The following HERC2 variants were observed in gnomAD, a reference collection of about 807,000 sequenced individuals.
The protein encoded by HERC2 is HECT and RLD domain containing E3 ubiquitin protein ligase 2, also known as E3 ubiquitin-protein ligase HERC2.
Under a neutral mutation model 537.7 loss-of-function variants are expected in HERC2, and 102 were observed. The observed-to-expected ratio is 0.19, with a 90% CI of 0.16 to 0.22. The LOEUF (loss-of-function observed/expected upper bound fraction) is 0.22, where lower values mean the gene tolerates loss of function less well. Ranked by LOEUF, HERC2 falls within the 10% of genes least tolerant of loss-of-function variation. HERC2 has a pLI of 1.00. For synonymous variants in HERC2, 2,224 were observed against 2,466.2 expected, an observed-to-expected ratio of 0.90 and a Z score of 2.91; for missense variants, 4,236 against 6,198.2, an observed-to-expected ratio of 0.68 and a Z score of 10.63.
At chr15:28,191,852 C>T (rs756748507) in intron 53 of HERC2, 109 bp downstream of exon 53, 13 of 803,250 alleles carry the variant, frequency 1.6e-5, no homozygotes, top group East Asian at 5.2e-5. Flanking sequence ...TGAGTACTGA[C>T]AGGTGCTATC....
At chr15:28,118,377 G>C (rs1460013826) in intron 86 of HERC2, 2 of 152,288 alleles carry the variant, frequency 1.3e-5, no homozygotes, top group East Asian at 1.9e-4. Context: ...CATAAGGCTG[G>C]AGGCAGACAG....
chr15:28,133,410 T>A (rs1330946066), intron 79 of HERC2, among the ~76,000 whole-genome samples: 4 of 152,198 alleles, frequency 2.6e-5, no homozygotes, highest in Non-Finnish European at 1.5e-5. Context: ...GTGGTTTCAA[T>A]CTCTTCATAG....
At chr15:28,231,472 T>A (rs2525983) in intron 30 of HERC2, among the ~76,000 whole-genome samples, 2 of 152,324 alleles carry the variant, frequency 1.3e-5, no homozygotes, top group East Asian at 1.9e-4. Context: ...GTCAGTCACA[T>A]GGGCACTGCC....
chr15:28,142,158 C>T lies in HERC2; in HGVS notation c.11700+80G>A, dbSNP rs557010852. ...TGGCAAGCGAAATTTTTCTGTGTCT[C>T]GTAATATTGGCATCTTGTTACACTA... On this transcript the variant is annotated intron_variant, in intron 76 of 92. Transcript: ENST00000261609. 23 of 1,491,200 alleles carry T rather than the reference C, an allele frequency of 1.5e-5. No individual in the cohort carries two copies. In the Middle Eastern group the frequency reaches 5.4e-4, roughly 35 times the overall value. The allele number at this position is 1,491,200 out of a possible 1,614,324, so 92.4% of individuals were successfully genotyped here.
Position 28,269,376 on chromosome 15 carries a change from T to A in HERC2, c.1318A>T (p.Ile440Phe). Residue 440 changes from isoleucine (I) to phenylalanine (F), a missense_variant, in exon 11 of 93, where the codon ATT becomes TTT. By Grantham distance (21) the Ile-to-Phe change is conservative. Around this residue, in one of 27 missense-constraint regions of HERC2, gnomAD observed 491 missense variants for 559.3 expected, o/e 0.88. Coordinates refer to ENST00000261609, the MANE Select transcript of HERC2 (RefSeq NM_004667.6). ...AGGCCTTCGCACTGGATTGGACCAA[T>A]CACATTGGCATAGTATTTCCATCCT... ...LIGWKYYANV[I>F]GPIQCEGLAN... The A allele has an allele frequency of 6.2e-7, 1 of 1,614,202 alleles. No homozygotes were observed. The highest frequency in any genetic ancestry group is 8.5e-7 in the Non-Finnish European group (1 of 1,180,032).
intron 35 of HERC2, among the ~76,000 whole-genome samples, chr15:28,227,473 A>G (rs1901323819): frequency 6.6e-6 from 1 of 151,850 alleles, no homozygotes. Context: ...AAAAAGAAAA[A>G]AAAAAAAAAC....
intron 3 of HERC2, among the ~76,000 whole-genome samples, chr15:28,293,339 A>G (rs1275172169): frequency 6.6e-6 from 1 of 151,936 alleles, no homozygotes; most frequent in Non-Finnish European, 1.5e-5. Context: ...TAAAAATACA[A>G]AAAATTAGCC....
At chr15:28,270,564 C>T (rs2075696393) in intron 10 of HERC2, 131 bp downstream of exon 10, 13 of 847,480 alleles carry the variant, frequency 1.5e-5, no homozygotes, top group Admixed American at 8.3e-5. Context: ...ACTGCAAACG[C>T]GTTTAAAAAC....
chr15:28,148,513 G>A lies in HERC2; in HGVS notation c.10901-2169C>T, dbSNP rs75883862. ...ACTGCAGACTGTAATTCAAGAGAAC[G>A]TCCTGCAAAACAGACTTGGGACGAC... On this transcript the variant is annotated intron_variant, in intron 70 of 92. Coordinates refer to ENST00000261609, the MANE Select transcript of HERC2 (RefSeq NM_004667.6). Among the ~76,000 whole-genome samples the A allele has an allele frequency of 5.3e-4, 80 of 152,212 alleles. No individual in the cohort carries two copies. The East Asian group carries it at 9.6e-3, about 18-fold the overall frequency.
chr15:28,299,938 A>G (rs2141199514), intron 2 of HERC2, among the ~76,000 whole-genome samples: 1 of 152,062 alleles, frequency 6.6e-6, no homozygotes, highest in East Asian at 1.9e-4. Context: ...CTGTAATCCC[A>G]GCTACTCACG....
chr15:28,221,368 T>C (rs1455229568), intron 36 of HERC2, among the ~76,000 whole-genome samples: 1 of 147,310 alleles, frequency 6.8e-6, no homozygotes, highest in East Asian at 2.0e-4. Flanking sequence ...GCTCTGTCTC[T>C]CACTTCTGCA....
In HERC2 at chr15:28,186,443, T is replaced by A. The variant is rs566372357; in HGVS notation, c.8825+134A>T. ...AAAAAATACAATTTTTGGAAACAACTGTAATTTACCAATCGTGTGGACATA... is the reference window on the plus strand; with the variant it reads ...AAAAAATACAATTTTTGGAAACAACAGTAATTTACCAATCGTGTGGACATA... On this transcript the variant is annotated intron_variant, in intron 56 of 92. Coordinates refer to ENST00000261609, the MANE Select transcript of HERC2 (RefSeq NM_004667.6). 26 of 624,620 alleles carry A rather than the reference T, an allele frequency of 4.2e-5. No individual in the cohort carries two copies. The African/African-American group carries it at 4.7e-4, about 11-fold the overall frequency. The allele number at this position is 624,620 out of a possible 1,614,324, so 38.7% of individuals were successfully genotyped here.
At chr15:28,195,922 G>A (rs1897307576) in intron 52 of HERC2, among the ~76,000 whole-genome samples, 1 of 152,152 alleles carries the variant, frequency 6.6e-6, no homozygotes, top group African/African-American at 2.4e-5. Flanking sequence ...AATTCCACAT[G>A]CCATGCAACT....
intron 59 of HERC2, among the ~76,000 whole-genome samples, chr15:28,178,673 T>C (rs1232832605): frequency 6.6e-6 from 1 of 152,340 alleles, no homozygotes; most frequent in East Asian, 1.9e-4. Flanking sequence ...AGTTATAGAC[T>C]CTTTCTCAGA....
In HERC2 at chr15:28,191,245, CT is replaced by C; in HGVS notation, c.8452-2del. The C allele has an allele frequency of 6.2e-7, 1 of 1,601,994 alleles. No individual in the cohort carries two copies. Among genetic ancestry groups the C allele is most frequent in the Non-Finnish European group, 8.5e-7 (1 of 1,174,120 alleles). ...GGAAAATCTCCAAACGAATCCAGTGCTTTAGAAAAACAAAAAAACCACATTC... is the reference window on the plus strand; with the variant it reads ...GGAAAATCTCCAAACGAATCCAGTGCTTAGAAAAACAAAAAAACCACATTC... On this transcript the variant is annotated splice_acceptor_variant, in intron 53 of 92. Transcript: ENST00000261609. LOFTEE classifies it high-confidence loss of function.
At chr15:28,158,995 A>C (rs1436960601) in intron 69 of HERC2, among the ~76,000 whole-genome samples, 1 of 152,076 alleles carries the variant, frequency 6.6e-6, no homozygotes, top group African/African-American at 2.4e-5. Context: ...TTCACTTATG[A>C]AGCTTAGTTT....
chr15:28,172,799 T>C (rs546777157), intron 65 of HERC2, among the ~76,000 whole-genome samples: 15 of 152,316 alleles, frequency 9.8e-5, no homozygotes, highest in African/African-American at 3.6e-4. Flanking sequence ...ATCTTTAAGA[T>C]TCACCTGTGA....
In HERC2 at chr15:28,176,259, G is replaced by A. The variant is rs561912095; in HGVS notation, c.9686+169C>T. ...CAGTTACAATGGGAAATTTCTTCTTGTACTATTGTCACTAATCCCAACTCA... is the reference window on the plus strand; with the variant it reads ...CAGTTACAATGGGAAATTTCTTCTTATACTATTGTCACTAATCCCAACTCA... On this transcript the variant is annotated intron_variant, in intron 63 of 92. Coordinates refer to ENST00000261609, the MANE Select transcript of HERC2 (RefSeq NM_004667.6). The surrounding 1 kb of genome is among the most constrained non-coding windows in gnomAD (Gnocchi z 5.0). Among the ~76,000 whole-genome samples the A allele has an allele frequency of 2.0e-5, 3 of 152,286 alleles. No individual in the cohort carries two copies. The highest frequency in any genetic ancestry group is 7.2e-5 in the African/African-American group (3 of 41,560).
intron 35 of HERC2, among the ~76,000 whole-genome samples, chr15:28,227,442 C>T (rs1901312256): frequency 1.4e-5 from 2 of 147,004 alleles, no homozygotes; most frequent in African/African-American, 2.5e-5. Context: ...ACACCCACTA[C>T]GATGGCCTTC....
Sources: gnomAD v4.1 joint callset for allele counts (sites outside exome capture counted in the v4.1 genomes callset) on GRCh38, gnomAD v4.1.1 for gene constraint, gnomAD v4.1.1 regional missense constraint, Gnocchi (gnomAD v3.1) non-coding constraint, MANE v1.5 for transcripts, NCBI Gene and HGNC (gene_info 2026-07-23, HGNC 2026-07-21) for gene names.